Variants in RASSF3 observed in about 807,000 individuals in gnomAD.
The protein encoded by RASSF3 is Ras association domain family member 3, also known as ras association domain-containing protein 3.
In RASSF3, 19 loss-of-function variants were observed where a neutral mutation model predicts 19.9. The observed-to-expected ratio is 0.96, with a 90% CI of 0.67 to 1.40. The LOEUF (loss-of-function observed/expected upper bound fraction) is 1.40. RASSF3 is among the 40% of genes most tolerant of loss of function. The pLI is 0.00. For synonymous variants in RASSF3, 110 were observed against 104.2 expected, an observed-to-expected ratio of 1.06 and a Z score of -0.34; for missense variants, 306 against 289.8, an observed-to-expected ratio of 1.06 and a Z score of -0.41.
intron 1 of RASSF3, among the ~76,000 whole-genome samples, chr12:64,519,712 AT>A (rs1303520091): frequency 4.0e-5 from 6 of 151,788 alleles, no homozygotes; most frequent in East Asian, 1.9e-4. Context: ...TCTACTCCCT[AT>A]TTTTTTTATG....
At chr12:64,672,999 G>A (rs894201437) in intron 1 of RASSF3, among the ~76,000 whole-genome samples, 2 of 152,168 alleles carry the variant, frequency 1.3e-5, no homozygotes, top group Admixed American at 1.3e-4. Context: ...GGTTGCTGCA[G>A]CATTCATTGC....
intron 2 of RASSF3, among the ~76,000 whole-genome samples, chr12:64,572,199 A>G (rs1592404524): frequency 6.6e-6 from 1 of 152,200 alleles, no homozygotes; most frequent in Admixed American, 6.5e-5. Context: ...TTATATGTTG[A>G]AACCCTAACA....
At chr12:64,612,192 A>G (rs1870392185) in intron 1 of RASSF3, among the ~76,000 whole-genome samples, 1 of 151,692 alleles carries the variant, frequency 6.6e-6, no homozygotes, top group South Asian at 2.1e-4. Flanking sequence ...TGCTTTTTCC[A>G]TTTTTGCTTT....
intron 1 of RASSF3, among the ~76,000 whole-genome samples, chr12:64,517,136 T>C (rs1003377751): frequency 1.3e-5 from 2 of 151,826 alleles, no homozygotes; most frequent in African/African-American, 4.8e-5. Context: ...AAAACAAACT[T>C]GTAATATCAG....
At chr12:64,563,179 T>A (rs974834608) in intron 2 of RASSF3, among the ~76,000 whole-genome samples, 4 of 151,814 alleles carry the variant, frequency 2.6e-5, no homozygotes, top group Admixed American at 2.0e-4. Context: ...TTTTATTTTT[T>A]TTTTGAGATG....
chr12:64,624,141 G>A (rs1240809883), intron 1 of RASSF3, among the ~76,000 whole-genome samples: 5 of 151,954 alleles, frequency 3.3e-5, no homozygotes, highest in Non-Finnish European at 7.3e-5. Flanking sequence ...TTGTGTAGCG[G>A]AACGAGTACG....
At chr12:64,600,922 T>C (rs1436143537) in intron 2 of RASSF3, among the ~76,000 whole-genome samples, 2 of 152,214 alleles carry the variant, frequency 1.3e-5, no homozygotes, top group African/African-American at 4.8e-5. Flanking sequence ...CAGTCTTCTC[T>C]TAATGTCATT....
In RASSF3 at chr12:64,694,814, A is replaced by G. The variant is rs780457567; in HGVS notation, c.619A>G (p.Lys207Glu). 3 of 1,614,202 alleles carry G rather than the reference A, an allele frequency of 1.9e-6. No homozygotes were observed. Among genetic ancestry groups the G allele is most frequent in the Non-Finnish European group, 2.5e-6 (3 of 1,180,004 alleles). ...ELQNFLRILD[K>E]EEDEQLQNLK... ...ACAGAATTTCTTGCGCATCTTGGAC[A>G]AGGAAGAAGATGAACAGCTGCAGAA... The change falls in exon 5 of 5, where the codon AAG becomes GAG. Residue 207 changes from lysine to glutamate, a missense_variant. Transcript: ENST00000542104.
intron 1 of RASSF3, among the ~76,000 whole-genome samples, chr12:64,523,423 T>G (rs564035364): frequency 1.3e-5 from 2 of 151,820 alleles, no homozygotes; most frequent in South Asian, 2.1e-4. Context: ...TAAAATAAAA[T>G]AAAAAAGAAA....
intron 1 of RASSF3, among the ~76,000 whole-genome samples, chr12:64,616,244 C>T (rs897745236): frequency 6.6e-6 from 1 of 152,158 alleles, no homozygotes; most frequent in African/African-American, 2.4e-5. Flanking sequence ...CCCATTTCTT[C>T]TTCTGGCCAA....
chr12:64,682,651 T>G (rs1873180711), intron 1 of RASSF3, among the ~76,000 whole-genome samples: 1 of 151,532 alleles, frequency 6.6e-6, no homozygotes, highest in Admixed American at 6.6e-5. Context: ...ATCTTGAGGC[T>G]TCAATGGATC....
intron 1 of RASSF3, among the ~76,000 whole-genome samples, chr12:64,675,050 C>CG (rs1479418241): frequency 1.7e-5 from 2 of 117,204 alleles, no homozygotes; most frequent in Non-Finnish European, 1.8e-5. Context: ...ACCTAGCCCC[C>CG]CCCCCCCCCG....
intron 3 of RASSF3, among the ~76,000 whole-genome samples, chr12:64,688,756 C>G (rs1296114789): frequency 6.6e-6 from 1 of 152,032 alleles, no homozygotes; most frequent in Non-Finnish European, 1.5e-5. Context: ...TTAGGAGTGG[C>G]TTTGATTTTA....
chr12:64,521,910 C>G (rs1299353417), intron 1 of RASSF3, among the ~76,000 whole-genome samples: 6 of 152,196 alleles, frequency 3.9e-5, no homozygotes, highest in Admixed American at 3.9e-4. Flanking sequence ...ACCTTCAGAA[C>G]CCTCTGGGGT....
chr12:64,632,396 T>C (rs1481994685), intron 1 of RASSF3, among the ~76,000 whole-genome samples: 3 of 152,120 alleles, frequency 2.0e-5, no homozygotes, highest in Non-Finnish European at 4.4e-5. Flanking sequence ...GTCAGACCTA[T>C]GATTTTAAAA....
chr12:64,690,656 T>TG, intron 3 of RASSF3, among the ~76,000 whole-genome samples: 1 of 146,492 alleles, frequency 6.8e-6, no homozygotes, highest in East Asian at 2.0e-4. Context: ...GAAAAAAAAA[T>TG]TTTTTTTTTT....
intron 1 of RASSF3, among the ~76,000 whole-genome samples, chr12:64,521,103 G>A (rs1868470257): frequency 6.6e-6 from 1 of 152,164 alleles, no homozygotes. Flanking sequence ...CTGAAAGGGT[G>A]CAGAGACTTG....
At chr12:64,687,947 G>A (rs887636537) in intron 2 of RASSF3, among the ~76,000 whole-genome samples, 13 of 151,214 alleles carry the variant, frequency 8.6e-5, no homozygotes, top group African/African-American at 3.1e-4. Flanking sequence ...AGAGGCATGA[G>A]TCTGGGGCCG....
At chr12:64,624,508 C>G (rs1870915812) in intron 1 of RASSF3, among the ~76,000 whole-genome samples, 1 of 151,742 alleles carries the variant, frequency 6.6e-6, no homozygotes, top group Non-Finnish European at 1.5e-5. Flanking sequence ...CTCCTGGGCT[C>G]AAGTGATCCT....
Sources: allele counts gnomAD v4.1 joint callset (sites outside exome capture counted in the v4.1 genomes callset), GRCh38; gene constraint gnomAD v4.1.1; transcripts MANE v1.5; gene names NCBI Gene and HGNC (gene_info 2026-07-23, HGNC 2026-07-21).